The following SLC5A1 variants were observed in gnomAD, a reference collection of about 807,000 sequenced individuals.
The protein encoded by SLC5A1 is sodium/glucose cotransporter 1.
In SLC5A1, 42 loss-of-function variants were observed where a neutral mutation model predicts 73.5. The ratio of observed to expected loss-of-function variants is 0.57; its 90% CI spans 0.45 to 0.74. The LOEUF is 0.74. Among genes scored for constraint, SLC5A1 ranks in the 30% least tolerant of loss-of-function variants. The probability of loss-of-function intolerance (pLI) is 0.00; values close to 1 mark genes in which losing one functional copy is unlikely to be tolerated. For missense variants in SLC5A1, 634 were observed against 855.4 expected, an observed-to-expected ratio of 0.74 and a Z score of 3.23; for synonymous variants, 300 against 317.4, an observed-to-expected ratio of 0.95 and a Z score of 0.58.
At chr22:32,076,387 G>A (rs189529897) in intron 5 of SLC5A1, among the ~76,000 whole-genome samples, 2 of 152,088 alleles carry the variant, frequency 1.3e-5, no homozygotes, top group African/African-American at 2.4e-5. Context: ...AAAATTTCCC[G>A]GCATGTGCAT....
At position 32,082,922 on chromosome 22, in the gene SLC5A1, G is replaced by A. The variant is rs2094002232; in HGVS notation, c.584-152G>A. The A allele has an allele frequency of 2.4e-5, 17 of 710,746 alleles. No individual in the cohort carries two copies. The South Asian group carries it at 2.6e-4, about 11-fold the overall frequency. The allele number at this position is 710,746 out of a possible 1,614,324, so 44.0% of individuals were successfully genotyped here. A position where few individuals can be genotyped will look rare whatever the true frequency, so the allele number is the denominator to read the frequency against. On this transcript the variant is annotated intron_variant, in intron 6 of 14. Coordinates refer to ENST00000266088, the MANE Select transcript of SLC5A1 (RefSeq NM_000343.4). ...GCTGAATAGCAAAATACTGTAACAGGACAAGGGAGGGAAGGAAGGAGAGGC... is the reference window on the plus strand; with the variant it reads ...GCTGAATAGCAAAATACTGTAACAGAACAAGGGAGGGAAGGAAGGAGAGGC...
At chr22:32,086,101 A>G in intron 9 of SLC5A1, 119 bp from the exon 10 acceptor site, 2 of 711,530 alleles carry the variant, frequency 2.8e-6, no homozygotes, top group Admixed American at 1.8e-5. Flanking sequence ...AGATCGTGCC[A>G]CTGCACTCCA....
At chr22:32,104,279 G>C (rs2149498081) in intron 13 of SLC5A1, among the ~76,000 whole-genome samples, 1 of 152,322 alleles carries the variant, frequency 6.6e-6, no homozygotes, top group South Asian at 2.1e-4. Context: ...CCTAGACCGA[G>C]TTCATGCTCT....
intron 11 of SLC5A1, 65 bp from the exon 12 acceptor site, chr22:32,099,118 A>G (rs573272382): frequency 2.7e-6 from 1 of 373,292 alleles, no homozygotes; most frequent in East Asian, 7.5e-5. Flanking sequence ...ATATATATAT[A>G]TATATATATA....
rs766189236 is a variant in SLC5A1, at chr22:32,050,015, G to GT, written c.207+2dup. On this transcript the variant is annotated splice_donor_variant, in intron 2 of 14. Coordinates refer to ENST00000266088, the MANE Select transcript of SLC5A1 (RefSeq NM_000343.4). LOFTEE classifies it high-confidence loss of function. ...AGGCCGAAGTATGGTGTGGTGGCCG[G>GT]TAAGTTTTCTCTGAAATGCTATTTA... 6 of 1,612,924 alleles carry GT rather than the reference G, an allele frequency of 3.7e-6. No homozygotes were observed. Among genetic ancestry groups the GT allele is most frequent in the Non-Finnish European group, 5.1e-6 (6 of 1,179,000 alleles).
At chr22:32,049,510 G>A (rs372628712) in intron 1 of SLC5A1, among the ~76,000 whole-genome samples, 1 of 146,038 alleles carries the variant, frequency 6.8e-6, no homozygotes, top group African/African-American at 2.5e-5. Flanking sequence ...CTCCTGAGTA[G>A]CTGGGATTAT....
intron 5 of SLC5A1, among the ~76,000 whole-genome samples, chr22:32,081,002 T>A (rs1336033904): frequency 6.6e-6 from 1 of 151,872 alleles, no homozygotes; most frequent in Non-Finnish European, 1.5e-5. Context: ...AAAAAATAAA[T>A]AAATAAAAAA....
rs555233807 is a variant in SLC5A1, at chr22:32,107,940, T to C, written c.1772-2050T>C. Among the ~76,000 whole-genome samples, 156 of 152,144 alleles carry C rather than the reference T, an allele frequency of 1.0e-3. 1 individual carries two copies. Among genetic ancestry groups the C allele is most frequent in the African/African-American group, 3.6e-3 (150 of 41,520 alleles). On this transcript the variant is annotated intron_variant, in intron 14 of 14. Transcript: ENST00000266088. ...CTCACCACCACCACCACCACCACCA[T>C]CATCGATAATGATATGATCATAACA...
intron 11 of SLC5A1, among the ~76,000 whole-genome samples, chr22:32,098,749 G>A (rs2094030407): frequency 6.6e-6 from 1 of 152,102 alleles, no homozygotes. Flanking sequence ...GGTGGTGGTA[G>A]TGTGTATATG....
At chr22:32,077,762 A>G (rs1306024452) in intron 5 of SLC5A1, among the ~76,000 whole-genome samples, 1 of 152,150 alleles carries the variant, frequency 6.6e-6, no homozygotes, top group African/African-American at 2.4e-5. Flanking sequence ...CCTCTTTCCT[A>G]AAAGGTGAAT....
At chr22:32,065,410 C>G (rs550457308) in intron 2 of SLC5A1, among the ~76,000 whole-genome samples, 27 of 152,270 alleles carry the variant, frequency 1.8e-4, no homozygotes, top group Admixed American at 1.8e-3. Flanking sequence ...TAGATCTCAG[C>G]TTAAAGGTCT....
chr22:32,103,275 A>T (rs2094039598), intron 13 of SLC5A1, among the ~76,000 whole-genome samples: 1 of 152,182 alleles, frequency 6.6e-6, no homozygotes, highest in East Asian at 1.9e-4. Flanking sequence ...ATGGGGTGAG[A>T]TGATATCTCA....
rs752514604 is a variant in SLC5A1 at position 32,102,049 on chromosome 22, C to T, written c.1477C>T (p.Leu493Phe). The T allele has an allele frequency of 6.2e-7, 1 of 1,614,110 alleles. No homozygotes were observed. The highest frequency in any genetic ancestry group is 1.1e-5 in the South Asian group (1 of 91,076). The change falls in exon 13 of 15, where the codon CTT becomes TTT. Residue 493 changes from leucine to phenylalanine, a missense_variant. Physicochemically the swap from Leu to Phe is conservative, Grantham distance 22. This residue lies in a region of SLC5A1 where 422 missense variants were observed against 626.1 expected (regional missense o/e 0.67). Transcript: ENST00000266088. ...AGCCTTTTGGGGACTGATCCTAGGA[C>T]TTCTGATTGGGATTTCACGTATGAT... ...PGAFWGLILG[L>F]LIGISRMITE...
chr22:32,069,872 C>T (rs1403044333), intron 5 of SLC5A1, among the ~76,000 whole-genome samples: 3 of 152,186 alleles, frequency 2.0e-5, no homozygotes, highest in African/African-American at 7.2e-5. Flanking sequence ...AATGAAAACC[C>T]TGCAGTTGGA....
intron 2 of SLC5A1, among the ~76,000 whole-genome samples, chr22:32,064,270 T>C (rs2093968635): frequency 6.6e-6 from 1 of 151,902 alleles, no homozygotes; most frequent in Admixed American, 6.6e-5. Context: ...CCAAGGCGGA[T>C]GGATTGCTTG....
chr22:32,046,858 T>C (rs2093937844), intron 1 of SLC5A1, among the ~76,000 whole-genome samples: 1 of 152,216 alleles, frequency 6.6e-6, no homozygotes, highest in Non-Finnish European at 1.5e-5. Flanking sequence ...TCTCTTGTAG[T>C]TGTAGAGTGG....
chr22:32,050,108 T>A, intron 2 of SLC5A1, 94 bp downstream of exon 2: 1 of 1,146,412 alleles, frequency 8.7e-7, no homozygotes, highest in Non-Finnish European at 1.3e-6. Flanking sequence ...GTGGTGATTC[T>A]AGGATTCAAG....
chr22:32,082,166 G>A (rs1006634486), intron 6 of SLC5A1, among the ~76,000 whole-genome samples, 195 bp downstream of exon 6: 2 of 152,214 alleles, frequency 1.3e-5, no homozygotes, highest in Non-Finnish European at 2.9e-5. Context: ...GAAAGCTGTG[G>A]TGTTGGCTGG....
intron 13 of SLC5A1, among the ~76,000 whole-genome samples, chr22:32,103,257 C>A (rs528049134): frequency 6.6e-6 from 1 of 152,242 alleles, no homozygotes; most frequent in African/African-American, 2.4e-5. Flanking sequence ...TGATAAAAGC[C>A]ATTTTAAATG....
Sources: gnomAD v4.1 joint callset for allele counts (sites outside exome capture counted in the v4.1 genomes callset) on GRCh38, gnomAD v4.1.1 for gene constraint, gnomAD v4.1.1 regional missense constraint, MANE v1.5 for transcripts, NCBI Gene and HGNC (gene_info 2026-07-23, HGNC 2026-07-21) for gene names.